The following VOPP1 variants were observed in gnomAD, a reference collection of about 807,000 sequenced individuals.
The protein encoded by VOPP1 is WW domain binding protein VOPP1.
VOPP1 carries 8 observed loss-of-function variants against 23.5 expected under a neutral mutation model. The ratio of observed to expected loss-of-function variants is 0.34; its 90% CI spans 0.20 to 0.61. The LOEUF (loss-of-function observed/expected upper bound fraction) is 0.61, where lower values mean the gene tolerates loss of function less well. VOPP1 is among the 20% of genes least tolerant of loss of function. The pLI is 0.78. For missense variants in VOPP1, 174 were observed against 238.1 expected, an observed-to-expected ratio of 0.73 and a Z score of 1.77; for synonymous variants, 83 against 97.3, an observed-to-expected ratio of 0.85 and a Z score of 0.86.
intron 4 of VOPP1, among the ~76,000 whole-genome samples, chr7:55,487,826 C>G (rs1432052411): frequency 6.6e-6 from 1 of 152,236 alleles, no homozygotes; most frequent in African/African-American, 2.4e-5. Context: ...CATTCAATCA[C>G]AGGGGCACCA....
At chr7:55,527,945 G>GA (rs10710791) in intron 1 of VOPP1, among the ~76,000 whole-genome samples, 1,662 of 151,490 alleles carry the variant, frequency 0.011, 11 homozygotes, top group Middle Eastern at 0.02. Flanking sequence ...GAGCATAAGG[G>GA]AAAAAAAAAA....
chr7:55,451,107 C>A (rs764046584), intron 4 of VOPP1, among the ~76,000 whole-genome samples: 1 of 152,296 alleles, frequency 6.6e-6, no homozygotes, highest in Middle Eastern at 3.4e-3. Flanking sequence ...ATTCCCTTCA[C>A]CTTCTTCTTG....
intron 1 of VOPP1, among the ~76,000 whole-genome samples, chr7:55,557,434 T>TA (rs1797846910): frequency 6.7e-6 from 1 of 149,182 alleles, no homozygotes; most frequent in Admixed American, 6.7e-5. Context: ...TGGAAAGTTT[T>TA]AAAAAAATAC....
chr7:55,569,890 G>A (rs1326521553), intron 1 of VOPP1, among the ~76,000 whole-genome samples: 1 of 152,136 alleles, frequency 6.6e-6, no homozygotes, highest in African/African-American at 2.4e-5. Context: ...GGTGCTGGGG[G>A]TGGGAACAGA....
At chr7:55,448,390 A>G (rs1005377197) in intron 4 of VOPP1, among the ~76,000 whole-genome samples, 1 of 152,236 alleles carries the variant, frequency 6.6e-6, no homozygotes, top group Non-Finnish European at 1.5e-5. Context: ...TGGGAGTGCA[A>G]TGAGAAAGAT....
chr7:55,547,251 G>T (rs1797405694), intron 1 of VOPP1, among the ~76,000 whole-genome samples: 1 of 152,078 alleles, frequency 6.6e-6, no homozygotes, highest in Non-Finnish European at 1.5e-5. Flanking sequence ...GGCTCCAGGG[G>T]TTCCACAGAT....
intron 1 of VOPP1, among the ~76,000 whole-genome samples, chr7:55,550,321 T>G (rs1411293506): frequency 6.6e-6 from 1 of 152,178 alleles, no homozygotes; most frequent in Non-Finnish European, 1.5e-5. Flanking sequence ...TACCTAAGTG[T>G]ACATAAATAA....
intron 4 of VOPP1, among the ~76,000 whole-genome samples, chr7:55,454,417 G>A (rs1224441085): frequency 6.6e-6 from 1 of 152,082 alleles, no homozygotes; most frequent in Non-Finnish European, 1.5e-5. Flanking sequence ...CCAAACAATA[G>A]AAAAAGAGGG....
At chr7:55,446,282 C>G (rs112340603) in intron 4 of VOPP1, among the ~76,000 whole-genome samples, 14 of 152,224 alleles carry the variant, frequency 9.2e-5, no homozygotes, top group African/African-American at 2.4e-4. Context: ...CGTGAGCCAC[C>G]GCGCCCGGCC....
chr7:55,454,059 C>T (rs1791307743), intron 4 of VOPP1, among the ~76,000 whole-genome samples: 1 of 152,076 alleles, frequency 6.6e-6, no homozygotes, highest in African/African-American at 2.4e-5. Flanking sequence ...AGACATATAA[C>T]AATTATATGC....
At chr7:55,521,177 A>G (rs1562952112) in intron 1 of VOPP1, 47 bp from the exon 2 acceptor site, 1 of 1,532,684 alleles carries the variant, frequency 6.5e-7, no homozygotes, top group South Asian at 1.2e-5. Context: ...AGGAATCTGC[A>G]TGTTGTTGAG....
At chr7:55,557,751 G>A (rs1337226313) in intron 1 of VOPP1, among the ~76,000 whole-genome samples, 1 of 152,210 alleles carries the variant, frequency 6.6e-6, no homozygotes, top group Non-Finnish European at 1.5e-5. Context: ...AGGAGCTGCT[G>A]CAACCTACAC....
At chr7:55,490,055 C>T (rs1793451932) in intron 4 of VOPP1, among the ~76,000 whole-genome samples, 1 of 151,972 alleles carries the variant, frequency 6.6e-6, no homozygotes, top group Non-Finnish European at 1.5e-5. Flanking sequence ...CACAGAGGAG[C>T]GGGGATGGGT....
chr7:55,490,766 C>T (rs1793507586), intron 4 of VOPP1, among the ~76,000 whole-genome samples: 1 of 152,210 alleles, frequency 6.6e-6, no homozygotes, highest in Non-Finnish European at 1.5e-5. Flanking sequence ...GGCTAAAATC[C>T]ACTTACGGAT....
intron 1 of VOPP1, among the ~76,000 whole-genome samples, chr7:55,534,913 C>CA (rs1796695184): frequency 6.6e-6 from 1 of 152,244 alleles, no homozygotes; most frequent in Non-Finnish European, 1.5e-5. Context: ...TGTCTCTTCC[C>CA]AGGACATTCC....
intron 4 of VOPP1, among the ~76,000 whole-genome samples, chr7:55,478,047 G>C (rs768443787): frequency 6.6e-6 from 1 of 152,202 alleles, no homozygotes; most frequent in African/African-American, 2.4e-5. Context: ...CCACAAAGAA[G>C]AGCAACCGAG....
chr7:55,465,962 T>C (rs530194278), downstream of VOPP1, among the ~76,000 whole-genome samples: 1 of 152,196 alleles, frequency 6.6e-6, no homozygotes, highest in South Asian at 2.1e-4. Flanking sequence ...TGAAACTGAA[T>C]CCCCACTCCG....
downstream of VOPP1, among the ~76,000 whole-genome samples, chr7:55,465,873 C>T (rs1791618884): frequency 1.3e-5 from 2 of 152,182 alleles, no homozygotes; most frequent in Admixed American, 1.3e-4. Flanking sequence ...TCTGTGCTCT[C>T]ATTCTTGGCA....
intron 4 of VOPP1, among the ~76,000 whole-genome samples, chr7:55,445,128 GA>G (rs1227886497): frequency 6.6e-6 from 1 of 152,116 alleles, no homozygotes; most frequent in African/African-American, 2.4e-5. Context: ...CAGAACAGAA[GA>G]GGGGGTGAAA....
Sources: allele counts gnomAD v4.1 joint callset (sites outside exome capture counted in the v4.1 genomes callset), GRCh38; gene constraint gnomAD v4.1.1; transcripts MANE v1.5; gene names NCBI Gene and HGNC (gene_info 2026-07-23, HGNC 2026-07-21).